FNDC3A: variants seen among roughly 807,000 people sequenced by gnomAD.
FNDC3A encodes fibronectin type-III domain-containing protein 3A.
In FNDC3A, 32 loss-of-function variants were observed where a neutral mutation model predicts 148.9. The ratio of observed to expected loss-of-function variants is 0.21; its 90% CI spans 0.16 to 0.29. The LOEUF (loss-of-function observed/expected upper bound fraction) is 0.29. Ranked by LOEUF, FNDC3A falls within the 10% of genes least tolerant of loss-of-function variation. The pLI, the probability that FNDC3A is intolerant of heterozygous loss-of-function variation, is 1.00. For synonymous variants in FNDC3A, 472 were observed against 473.6 expected (o/e 1.00, Z 0.04); for missense variants, 1,191 against 1,452.8 (o/e 0.82, Z 2.93).
At chr13:49,166,455 TG>T (rs1884467372) in intron 8 of FNDC3A, among the ~76,000 whole-genome samples, 1 of 152,096 alleles carries the variant, frequency 6.6e-6, no homozygotes, top group Non-Finnish European at 1.5e-5. Flanking sequence ...TGCAGTCTTT[TG>T]GGGGTTGTGC....
intron 3 of FNDC3A, chr13:49,110,447 G>T: frequency 1.5e-6 from 2 of 1,305,496 alleles, no homozygotes; most frequent in South Asian, 1.2e-5. Context: ...TTTATTTTAA[G>T]ACAGAAAGCA....
chr13:49,114,768 T>C (rs1215519251), intron 4 of FNDC3A, 37 bp downstream of exon 4: 15 of 1,279,578 alleles, frequency 1.2e-5, no homozygotes, highest in Non-Finnish European at 1.7e-5. Context: ...CATATTTGTA[T>C]AATAGTGATA....
chr13:49,064,914 G>A (rs867005907), intron 2 of FNDC3A, among the ~76,000 whole-genome samples: 4 of 152,148 alleles, frequency 2.6e-5, no homozygotes, highest in Non-Finnish European at 5.9e-5. Context: ...GAGACCTTCC[G>A]TGTCTGCTTA....
chr13:49,089,720 A>T (rs1879058932), intron 3 of FNDC3A, among the ~76,000 whole-genome samples: 1 of 152,184 alleles, frequency 6.6e-6, no homozygotes, highest in South Asian at 2.1e-4. Flanking sequence ...CAACCTCCAG[A>T]TGAGAATACA....
intron 2 of FNDC3A, among the ~76,000 whole-genome samples, chr13:49,054,006 T>C (rs190275596): frequency 6.6e-6 from 1 of 152,334 alleles, no homozygotes; most frequent in Non-Finnish European, 1.5e-5. Context: ...GTATCTTGTT[T>C]CTGCAAAGAG....
intron 2 of FNDC3A, among the ~76,000 whole-genome samples, chr13:49,067,425 G>A (rs141917354): frequency 0.012 from 1,856 of 152,212 alleles, 25 homozygotes; most frequent in African/African-American, 0.033. Context: ...TAATAGCTTG[G>A]TCAAAACACA....
rs1161194257 is a variant in FNDC3A at position 49,110,348 on chromosome 13, C to T, written c.176-4307C>T. ...CAATTAAAGCTGTTAACGTGTACTA[C>T]GCTGTTTCCTTGTTGGATTTTCTTG... is the stretch of plus-strand genomic sequence containing the variant. On this transcript the variant is annotated intron_variant, in intron 3 of 25. Transcript: ENST00000492622. The T allele has an allele frequency of 2.5e-6, 4 of 1,607,850 alleles. No individual in the cohort carries two copies. In the Admixed American group the frequency reaches 5.1e-5, roughly 20 times the overall value.
chr13:49,067,789 T>G (rs1877364711), intron 2 of FNDC3A, among the ~76,000 whole-genome samples: 1 of 152,174 alleles, frequency 6.6e-6, no homozygotes, highest in African/African-American at 2.4e-5. Flanking sequence ...CCAATCCAGG[T>G]TGTTTACAAA....
chr13:49,027,701 A>G (rs1334272013), intron 2 of FNDC3A, among the ~76,000 whole-genome samples: 2 of 152,194 alleles, frequency 1.3e-5, no homozygotes, highest in African/African-American at 4.8e-5. Context: ...ATAACTCAAA[A>G]GAATATTGTA....
intron 2 of FNDC3A, among the ~76,000 whole-genome samples, chr13:49,041,994 A>G (rs1303454693): frequency 6.6e-6 from 1 of 152,106 alleles, no homozygotes; most frequent in Non-Finnish European, 1.5e-5. Context: ...AGTGATGAGT[A>G]CTAGATAAAA....
At chr13:49,115,191 G>T (rs554683151) in intron 4 of FNDC3A, among the ~76,000 whole-genome samples, 2 of 123,486 alleles carry the variant, frequency 1.6e-5, no homozygotes, top group Non-Finnish European at 3.3e-5. Flanking sequence ...TGAGGGGGGG[G>T]GGGAAATAAA....
chr13:48,988,630 T>C (rs1951848963), intron 1 of FNDC3A, among the ~76,000 whole-genome samples: 1 of 151,940 alleles, frequency 6.6e-6, no homozygotes, highest in Admixed American at 6.6e-5. Context: ...TTGCTTGATA[T>C]AAGGAGTTTG....
chr13:49,174,569 A>G lies in FNDC3A; in HGVS notation c.1355+10A>G. ...ATGACTATGGTACAAGGTAAGGTGTACTTTATAAAAGAATGTAAATATTTT... is the reference window on the plus strand; with the variant it reads ...ATGACTATGGTACAAGGTAAGGTGTGCTTTATAAAAGAATGTAAATATTTT... On this transcript the variant is annotated intron_variant, in intron 12 of 25. Coordinates refer to ENST00000492622, the MANE Select transcript of FNDC3A (RefSeq NM_001079673.2). 1 of 1,595,918 alleles carries G rather than the reference A, an allele frequency of 6.3e-7. No homozygotes were observed. The highest frequency in any genetic ancestry group is 8.5e-7 in the Non-Finnish European group (1 of 1,170,312).
chr13:49,003,115 G>A (rs1952156084), intron 1 of FNDC3A, among the ~76,000 whole-genome samples: 1 of 151,998 alleles, frequency 6.6e-6, no homozygotes, highest in Non-Finnish European at 1.5e-5. Context: ...ACCCAGGCTG[G>A]AGTTCAGTGG....
At chr13:48,993,649 G>A (rs1444940332) in intron 1 of FNDC3A, among the ~76,000 whole-genome samples, 10 of 152,056 alleles carry the variant, frequency 6.6e-5, no homozygotes, top group Non-Finnish European at 1.3e-4. Context: ...AAGTGTTTAG[G>A]GGTGAAGTAT....
intron 5 of FNDC3A, among the ~76,000 whole-genome samples, chr13:49,135,558 G>T (rs1000297381): frequency 2.0e-5 from 3 of 151,942 alleles, no homozygotes; most frequent in Non-Finnish European, 4.4e-5. Context: ...TAATGTTATT[G>T]TACATATCCT....
At chr13:49,196,101 A>AG (rs1229492520) in intron 19 of FNDC3A, among the ~76,000 whole-genome samples, 1 of 150,202 alleles carries the variant, frequency 6.7e-6, no homozygotes, top group African/African-American at 2.4e-5. Context: ...AAAAAAAAAA[A>AG]AAAAGAAGTT....
At chr13:49,021,905 A>G (rs1165892329) in intron 2 of FNDC3A, among the ~76,000 whole-genome samples, 2 of 152,196 alleles carry the variant, frequency 1.3e-5, no homozygotes, top group African/African-American at 4.8e-5. Context: ...TTATATTGAT[A>G]TCTAAACTTT....
chr13:49,179,856 A>G (rs1234330409), intron 14 of FNDC3A, among the ~76,000 whole-genome samples: 2 of 152,148 alleles, frequency 1.3e-5, no homozygotes, highest in Admixed American at 6.5e-5. Flanking sequence ...CCATTTCTCA[A>G]AGCACCAGGA....
Sources: gnomAD v4.1 joint callset for allele counts (sites outside exome capture counted in the v4.1 genomes callset) on GRCh38, gnomAD v4.1.1 for gene constraint, MANE v1.5 for transcripts, NCBI Gene and HGNC (gene_info 2026-07-23, HGNC 2026-07-21) for gene names.